Variants in MTREX observed in about 807,000 individuals in gnomAD.
MTREX encodes the protein Mtr4 exosome RNA helicase.
MTREX carries 76 observed loss-of-function variants against 135.4 expected under a neutral mutation model. The ratio of observed to expected loss-of-function variants is 0.56; its 90% CI spans 0.47 to 0.68. The LOEUF (loss-of-function observed/expected upper bound fraction) is 0.68. MTREX is among the 30% of genes least tolerant of loss of function. MTREX has a pLI of 0.00. For missense variants in MTREX, 920 were observed against 1,262.1 expected (o/e 0.73, Z 4.11); for synonymous variants, 404 against 401.6 (o/e 1.01, Z -0.07).
chr5:55,394,691 C>T (rs767974808), intron 19 of MTREX, among the ~76,000 whole-genome samples: 6 of 152,238 alleles, frequency 3.9e-5, no homozygotes, highest in African/African-American at 1.2e-4. Context: ...GGTACCATCC[C>T]GGGGCTTGGG....
At chr5:55,409,803 A>G (rs1391052832) in intron 22 of MTREX, among the ~76,000 whole-genome samples, 1 of 152,242 alleles carries the variant, frequency 6.6e-6, no homozygotes, top group Non-Finnish European at 1.5e-5. Flanking sequence ...TGTATTTCCT[A>G]GATGGATATT....
At chr5:55,310,253 T>C (rs1749089121) in intron 1 of MTREX, among the ~76,000 whole-genome samples, 1 of 152,186 alleles carries the variant, frequency 6.6e-6, no homozygotes, top group Admixed American at 6.5e-5. Flanking sequence ...CAGGAGAACG[T>C]TAGTAGCTTA....
At chr5:55,389,034 T>C (rs1750523942) in intron 19 of MTREX, among the ~76,000 whole-genome samples, 1 of 152,240 alleles carries the variant, frequency 6.6e-6, no homozygotes, top group Non-Finnish European at 1.5e-5. Flanking sequence ...CACTGTAACA[T>C]TTTTAAATGA....
intron 25 of MTREX, among the ~76,000 whole-genome samples, chr5:55,422,398 C>T (rs1751068754): frequency 6.6e-6 from 1 of 152,178 alleles, no homozygotes; most frequent in African/African-American, 2.4e-5. Flanking sequence ...TGTTACTCTC[C>T]TGCTAAAAAC....
At chr5:55,327,419 T>G in intron 3 of MTREX, 1 of 260,170 alleles carries the variant, frequency 3.8e-6, no homozygotes, top group Non-Finnish European at 7.4e-6. Flanking sequence ...TTGTTATTCT[T>G]CTGTTTTGTA....
At chr5:55,356,423 G>T in intron 14 of MTREX, 1 of 207,184 alleles carries the variant, frequency 4.8e-6, no homozygotes, top group South Asian at 9.5e-5. Flanking sequence ...CATATTTGGT[G>T]CTCTGGCAGT....
At position 55,355,515 on chromosome 5, in the gene MTREX, G is replaced by T. The variant is rs1406366839; in HGVS notation, c.1533+2246G>T. On this transcript the variant is annotated intron_variant, in intron 14 of 26. Transcript: ENST00000230640. ...GGTAATAGTGGGCTCTGCAAAGAAG[G>T]CATTGAGGGTGGTAGGCTGGTGGGC... Among the ~76,000 whole-genome samples, 6 of 152,282 alleles carry T rather than the reference G, an allele frequency of 3.9e-5. No individual in the cohort carries two copies. The East Asian group carries it at 1.2e-3, about 29-fold the overall frequency.
In MTREX at chr5:55,343,373, A is replaced by G; in HGVS notation, c.824A>G (p.Asp275Gly). ...GAAGAAACTATTATTTTGCTTCCTG[A>G]TAACGTCCACTATGTCTTTCTTTCG... ...VWEETIILLPDNVHYVFLSAT... is the reference protein window; with the variant it reads ...VWEETIILLPGNVHYVFLSAT... Residue 275 changes from aspartate (D) to glycine (G), a missense_variant, in exon 8 of 27, where the codon GAT becomes GGT. Asp to Gly is a moderately conservative substitution (Grantham distance 94). Coordinates refer to ENST00000230640, the MANE Select transcript of MTREX (RefSeq NM_015360.5). The G allele has an allele frequency of 6.2e-7, 1 of 1,613,026 alleles. No individual in the cohort carries two copies. Among genetic ancestry groups the G allele is most frequent in the South Asian group, 1.1e-5 (1 of 90,992 alleles).
chr5:55,399,308 T>C (rs1267240508), intron 20 of MTREX, among the ~76,000 whole-genome samples: 2 of 152,160 alleles, frequency 1.3e-5, no homozygotes, highest in African/African-American at 4.8e-5. Context: ...TCCTCCCCAA[T>C]TCCCAGTTCC....
intron 15 of MTREX, among the ~76,000 whole-genome samples, chr5:55,362,483 C>T (rs1226742181): frequency 6.6e-6 from 1 of 152,124 alleles, no homozygotes; most frequent in African/African-American, 2.4e-5. Context: ...ACCTCAGCCT[C>T]CCAAGTAGCT....
At chr5:55,308,422 T>A (rs1749015752) in intron 1 of MTREX, among the ~76,000 whole-genome samples, 1 of 151,960 alleles carries the variant, frequency 6.6e-6, no homozygotes, top group Non-Finnish European at 1.5e-5. Flanking sequence ...GGTTGTCTCC[T>A]GCATCAGCAC....
intron 1 of MTREX, among the ~76,000 whole-genome samples, chr5:55,309,704 AG>A (rs1273258323): frequency 2.0e-5 from 3 of 152,174 alleles, no homozygotes; most frequent in Non-Finnish European, 2.9e-5. Context: ...TAGTTTTAAT[AG>A]GGTTTTGGAG....
Position 55,366,763 on chromosome 5 carries a change from C to T in MTREX, c.1698C>T (p.Thr566=). Residue 566 remains threonine (T), a synonymous_variant, in exon 16 of 27, where the codon ACC becomes ACT. Coordinates refer to ENST00000230640, the MANE Select transcript of MTREX (RefSeq NM_015360.5). ...ADPLNSAFHL[T]YNMVLNLLRV... ...CTCTAAATAGTGCTTTCCATTTGAC[C>T]TACAACATGGTTTTGAACTTACTAC... 2.5e-6 allele frequency: 4 copies of T among 1,608,554 alleles called. No homozygotes were observed. Among genetic ancestry groups the T allele is most frequent in the Non-Finnish European group, 3.4e-6 (4 of 1,177,364 alleles).
At chr5:55,324,455 TTTTTTTTTTA>T in intron 3 of MTREX, 1 of 139,818 alleles carries the variant, frequency 7.2e-6, no homozygotes. Context: ...TTTTTTTTTT[TTTTTTTTTTA>T]AGGCAGAGGT....
At chr5:55,341,360 T>G (rs1320408116) in intron 6 of MTREX, among the ~76,000 whole-genome samples, 2 of 152,194 alleles carry the variant, frequency 1.3e-5, no homozygotes, top group Non-Finnish European at 2.9e-5. Flanking sequence ...TAGAAGGAAG[T>G]TGCATCATGT....
chr5:55,386,848 G>GT (rs1268342194), intron 18 of MTREX, among the ~76,000 whole-genome samples: 1 of 151,884 alleles, frequency 6.6e-6, no homozygotes, highest in Admixed American at 6.6e-5. Context: ...TATTCAGAGG[G>GT]TTTTTTTCCT....
chr5:55,401,459 T>G (rs562419422), intron 21 of MTREX, among the ~76,000 whole-genome samples: 3 of 152,258 alleles, frequency 2.0e-5, no homozygotes, highest in African/African-American at 4.8e-5. Flanking sequence ...TGTGAACATT[T>G]GTATACAAGT....
intron 16 of MTREX, among the ~76,000 whole-genome samples, chr5:55,377,460 A>G (rs192135518): frequency 1.8e-4 from 27 of 152,352 alleles, no homozygotes; most frequent in African/African-American, 5.3e-4. Flanking sequence ...ATGCCTAAAA[A>G]TATGAAACTA....
intron 10 of MTREX, among the ~76,000 whole-genome samples, chr5:55,346,365 T>C (rs1457717179): frequency 6.6e-6 from 1 of 152,206 alleles, no homozygotes; most frequent in African/African-American, 2.4e-5. Flanking sequence ...GGCATCTTTC[T>C]GTAATTACAG....
Sources: gnomAD v4.1 joint callset for allele counts (sites outside exome capture counted in the v4.1 genomes callset) on GRCh38, gnomAD v4.1.1 for gene constraint, MANE v1.5 for transcripts, NCBI Gene and HGNC (gene_info 2026-07-23, HGNC 2026-07-21) for gene names.